The following PCDHA13 variants were observed in gnomAD, a reference collection of about 807,000 sequenced individuals.
The protein encoded by PCDHA13 is protocadherin alpha 13, also known as protocadherin alpha-13.
Under a neutral mutation model 64.8 loss-of-function variants are expected in PCDHA13, and 54 were observed. That is an observed-to-expected ratio of 0.83 (90% CI 0.67 to 1.04). The LOEUF is 1.04. Among genes scored for constraint, PCDHA13 ranks in the 50% least tolerant of loss-of-function variants. PCDHA13 has a pLI of 0.00. For missense variants in PCDHA13, 1,248 were observed against 1,254.3 expected (o/e 0.99, Z 0.08); for synonymous variants, 587 against 564.4 (o/e 1.04, Z -0.57).
intron 1 of PCDHA13, among the ~76,000 whole-genome samples, chr5:140,936,995 A>G (rs2091251299): frequency 6.6e-6 from 1 of 151,864 alleles, no homozygotes; most frequent in Non-Finnish European, 1.5e-5. Flanking sequence ...CATTGACAAT[A>G]TTGAGACAGA....
intron 1 of PCDHA13, among the ~76,000 whole-genome samples, chr5:140,953,105 G>A (rs191289853): frequency 5.3e-5 from 8 of 152,214 alleles, no homozygotes; most frequent in Non-Finnish European, 1.2e-4. Flanking sequence ...ATGAGATTTG[G>A]GCAGGGACAC....
At chr5:140,926,979 G>A (rs782354889) in intron 1 of PCDHA13, 1 of 1,610,590 alleles carries the variant, frequency 6.2e-7, no homozygotes. Flanking sequence ...TGCCGGAGGA[G>A]ACGGAGCGGG....
At chr5:140,917,262 T>C (rs1222739469) in intron 1 of PCDHA13, among the ~76,000 whole-genome samples, 1 of 151,720 alleles carries the variant, frequency 6.6e-6, no homozygotes, top group Middle Eastern at 3.2e-3. Context: ...CACCTGATGT[T>C]TGGTTTTTGT....
chr5:140,966,652 G>C (rs556593659), intron 1 of PCDHA13: 2 of 1,169,200 alleles, frequency 1.7e-6, no homozygotes, highest in Admixed American at 3.9e-5. Context: ...GAGCGTGAGC[G>C]GTGGGGGAGC....
intron 1 of PCDHA13, among the ~76,000 whole-genome samples, chr5:140,906,631 C>A (rs919514401): frequency 6.6e-6 from 1 of 152,238 alleles, no homozygotes; most frequent in East Asian, 1.9e-4. Context: ...TCAGCAAGCA[C>A]CTCAGCAGGT....
In PCDHA13 at chr5:140,933,676, AT is replaced by A. The variant is rs1400784175; in HGVS notation, c.2395-45265del. 1.4e-4 allele frequency among the ~76,000 whole-genome samples: 21 copies of A among 151,552 alleles called. 1 individual carries two copies. Among genetic ancestry groups the A allele is most frequent in the Admixed American group, 1.3e-3 (19 of 15,194 alleles). On this transcript the variant is annotated intron_variant, in intron 1 of 3. Coordinates refer to ENST00000289272, the MANE Select transcript of PCDHA13 (RefSeq NM_018904.3). Reference sequence around the variant, plus strand: ...CTGTCTCTCTCTCTGTCTCTCTCACATTTTTTTTCCTATTCCTCGGACACAT... The same window carrying A: ...CTGTCTCTCTCTCTGTCTCTCTCACATTTTTTTCCTATTCCTCGGACACAT...
chr5:140,973,391 A>G (rs1466546487), intron 1 of PCDHA13, among the ~76,000 whole-genome samples: 1 of 152,232 alleles, frequency 6.6e-6, no homozygotes, highest in East Asian at 1.9e-4. Context: ...AGACAAAGAA[A>G]TCATATCTAT....
intron 3 of PCDHA13, among the ~76,000 whole-genome samples, chr5:141,007,801 G>T (rs559830556): frequency 2.6e-5 from 4 of 152,148 alleles, no homozygotes; most frequent in Non-Finnish European, 5.9e-5. Flanking sequence ...GCCTTTATCT[G>T]CCATTCATTT....
chr5:141,005,256 A>C (rs1307850409), intron 3 of PCDHA13, among the ~76,000 whole-genome samples: 1 of 152,212 alleles, frequency 6.6e-6, no homozygotes, highest in East Asian at 1.9e-4. Flanking sequence ...TGTGCTAGGC[A>C]CTGGTGATAC....
intron 1 of PCDHA13, chr5:140,968,814 G>A: frequency 1.5e-5 from 24 of 1,614,232 alleles, no homozygotes; most frequent in Non-Finnish European, 1.9e-5. Context: ...GTGGTGGATA[G>A]GGTTTCCAAA....
chr5:140,899,931 C>G (rs1163496997), intron 1 of PCDHA13, among the ~76,000 whole-genome samples: 1 of 152,112 alleles, frequency 6.6e-6, no homozygotes, highest in African/African-American at 2.4e-5. Context: ...CCTCAGCCTC[C>G]TGAATAGCTG....
intron 3 of PCDHA13, among the ~76,000 whole-genome samples, chr5:140,999,039 T>C (rs1554256567): frequency 6.6e-6 from 1 of 152,214 alleles, no homozygotes; most frequent in Admixed American, 6.5e-5. Flanking sequence ...CTTCGTCCAG[T>C]GTGCTTTCCA....
At chr5:140,976,691 C>G (rs1219355793) in intron 1 of PCDHA13, among the ~76,000 whole-genome samples, 1 of 152,126 alleles carries the variant, frequency 6.6e-6, no homozygotes. Context: ...AATTTAAGTA[C>G]AATAATGTTG....
intron 3 of PCDHA13, among the ~76,000 whole-genome samples, chr5:140,986,555 T>A (rs1554248143): frequency 6.6e-6 from 1 of 152,214 alleles, no homozygotes; most frequent in African/African-American, 2.4e-5. Context: ...GCCAGGCTGC[T>A]TTGTTATCTG....
chr5:140,948,705 T>C (rs1585306851), intron 1 of PCDHA13, among the ~76,000 whole-genome samples: 1 of 151,580 alleles, frequency 6.6e-6, no homozygotes, highest in African/African-American at 2.4e-5. Context: ...ATTTGTGTTC[T>C]ATCCTCTTTT....
intron 1 of PCDHA13, among the ~76,000 whole-genome samples, chr5:140,892,867 A>G (rs1452797610): frequency 1.3e-5 from 2 of 152,150 alleles, no homozygotes; most frequent in African/African-American, 4.8e-5. Context: ...CTGTGTAGCT[A>G]TAATTTCGTA....
Position 140,947,404 on chromosome 5 carries a change from T to C in PCDHA13, c.2395-31545T>C, listed in dbSNP as rs1305199507. On this transcript the variant is annotated intron_variant, in intron 1 of 3. Transcript: ENST00000289272. ...ATCCTTTCACTAAAAGTAGACTGTC[T>C]TGATATTGTAGCTTTATAAATTTGA... is the stretch of plus-strand genomic sequence containing the variant. Among the ~76,000 whole-genome samples the C allele has an allele frequency of 2.6e-5, 4 of 151,736 alleles. No individual in the cohort carries two copies. In the East Asian group the frequency reaches 5.8e-4, roughly 22 times the overall value.
At chr5:140,925,190 A>G (rs2082378036) in intron 1 of PCDHA13, among the ~76,000 whole-genome samples, 1 of 152,192 alleles carries the variant, frequency 6.6e-6, no homozygotes, top group Non-Finnish European at 1.5e-5. Context: ...ACCATCACCC[A>G]GCTTCAATAA....
chr5:140,903,211 C>T (rs1457584095), intron 1 of PCDHA13, among the ~76,000 whole-genome samples: 1 of 152,174 alleles, frequency 6.6e-6, no homozygotes, highest in African/African-American at 2.4e-5. Context: ...TCACCACATT[C>T]ATGCCAACAT....
Sources: gnomAD v4.1 joint callset for allele counts (sites outside exome capture counted in the v4.1 genomes callset) on GRCh38, gnomAD v4.1.1 for gene constraint, MANE v1.5 for transcripts, NCBI Gene and HGNC (gene_info 2026-07-23, HGNC 2026-07-21) for gene names.